The following SORBS2 variants were observed in gnomAD, a reference collection of about 807,000 sequenced individuals.
SORBS2 encodes sorbin and SH3 domain-containing protein 2.
In SORBS2, 46 loss-of-function variants were observed where a neutral mutation model predicts 97.7. The ratio of observed to expected loss-of-function variants is 0.47; its 90% CI spans 0.37 to 0.60. The LOEUF is 0.60. Among genes scored for constraint, SORBS2 ranks in the 20% least tolerant of loss-of-function variants. The pLI, the probability that SORBS2 is intolerant of heterozygous loss-of-function variation, is 0.00. For missense variants in SORBS2, 1,316 were observed against 1,282.3 expected, an observed-to-expected ratio of 1.03 and a Z score of -0.40; for synonymous variants, 476 against 473.4, an observed-to-expected ratio of 1.01 and a Z score of -0.07.
intron 2 of SORBS2, among the ~76,000 whole-genome samples, chr4:185,749,589 G>A (rs1178864508): frequency 6.6e-6 from 1 of 152,120 alleles, no homozygotes; most frequent in African/African-American, 2.4e-5. Context: ...GTTACCTTAG[G>A]GTATATGGAC....
chr4:185,788,995 G>A (rs1312761418), intron 1 of SORBS2, among the ~76,000 whole-genome samples: 1 of 152,112 alleles, frequency 6.6e-6, no homozygotes, highest in Admixed American at 6.5e-5. Context: ...ACTAACAAAC[G>A]CCACGACCTA....
At chr4:185,797,715 T>C (rs2153654555) in intron 1 of SORBS2, among the ~76,000 whole-genome samples, 1 of 152,296 alleles carries the variant, frequency 6.6e-6, no homozygotes, top group African/African-American at 2.4e-5. Context: ...AAGTTAGCAC[T>C]ACAGAGCTGG....
chr4:185,620,129 G>A (rs200276678), exon 8 of SORBS2: 1 of 1,611,060 alleles, frequency 6.2e-7, no homozygotes, highest in East Asian at 2.2e-5. Context: ...AAGTGGATGA[G>A]TAACTTCTAG....
chr4:185,850,871 T>C (rs1173363814), intron 1 of SORBS2, among the ~76,000 whole-genome samples: 1 of 152,158 alleles, frequency 6.6e-6, no homozygotes, highest in Non-Finnish European at 1.5e-5. Context: ...GTGGGCATCA[T>C]CTCATCTGTT....
intron 1 of SORBS2, among the ~76,000 whole-genome samples, chr4:185,887,095 G>A (rs1221985918): frequency 1.3e-5 from 2 of 152,218 alleles, no homozygotes; most frequent in Non-Finnish European, 2.9e-5. Context: ...GCTGTCTGCG[G>A]GGAAGCCGGA....
chr4:185,714,309 C>T (rs1462259798), intron 2 of SORBS2, among the ~76,000 whole-genome samples: 2 of 152,136 alleles, frequency 1.3e-5, no homozygotes, highest in South Asian at 4.1e-4. Context: ...TCACGTCATC[C>T]CATTGCTCCC....
chr4:185,810,488 A>G (rs2099175476), intron 1 of SORBS2, among the ~76,000 whole-genome samples: 1 of 152,230 alleles, frequency 6.6e-6, no homozygotes, highest in South Asian at 2.1e-4. Flanking sequence ...AGTAGATTCC[A>G]TCTTTTGTAG....
chr4:185,796,501 GC>G (rs2099105439), intron 1 of SORBS2, among the ~76,000 whole-genome samples: 1 of 147,166 alleles, frequency 6.8e-6, no homozygotes, highest in Non-Finnish European at 1.5e-5. Flanking sequence ...GGCTGGGCAT[GC>G]CTGGGCGCTG....
In SORBS2 at chr4:185,607,260, C is replaced by T; in HGVS notation, c.2796+4520G>A. The T allele has an allele frequency of 8.1e-7, 1 of 1,241,464 alleles. No homozygotes were observed. The highest frequency in any genetic ancestry group is 1.3e-5 in the South Asian group (1 of 74,570). The allele number at this position is 1,241,464 out of a possible 1,614,324, so 76.9% of individuals were successfully genotyped here. A position where few individuals can be genotyped will look rare whatever the true frequency, so the allele number is the denominator to read the frequency against. ...GTAGACATGAGGCTGTCAGGGACAA[C>T]CAGCCCTGGCCAGTTCCCTGGAGAG... On this transcript the variant is annotated intron_variant, in intron 12 of 14. Transcript: ENST00000418609. This position sits in a 1 kb window ranked among gnomAD's most constrained non-coding sequence, Gnocchi z 5.2.
intron 2 of SORBS2, among the ~76,000 whole-genome samples, chr4:185,683,108 T>C (rs909675334): frequency 6.6e-6 from 1 of 152,080 alleles, no homozygotes; most frequent in Non-Finnish European, 1.5e-5. Flanking sequence ...AACAATTATG[T>C]CCAAAATTCA....
In SORBS2 at chr4:185,623,120, GGCAGCA is replaced by G. The variant is rs766411459; in HGVS notation, c.2003_2008del (p.Leu668_Leu669del). 6.2e-7 allele frequency: 1 copy of G among 1,614,052 alleles called. No individual in the cohort carries two copies. The highest frequency in any genetic ancestry group is 1.3e-5 in the African/African-American group (1 of 74,928). On this transcript the variant is annotated inframe_deletion, in exon 7 of 15. Coordinates refer to ENST00000418609, the Ensembl canonical transcript of SORBS2. This position sits in a 1 kb window ranked among gnomAD's most constrained non-coding sequence, Gnocchi z 6.4. Reference sequence around the variant, plus strand: ...GGATGAGTTCCTCTCGGGAACATCTGGCAGCAGCTCACTGATGAGGCGGTGCAGGAT... The same window carrying G: ...GGATGAGTTCCTCTCGGGAACATCTGGCTCACTGATGAGGCGGTGCAGGAT...
intron 1 of SORBS2, among the ~76,000 whole-genome samples, chr4:185,796,526 C>A (rs1193911114): frequency 2.3e-5 from 3 of 128,608 alleles, no homozygotes; most frequent in African/African-American, 9.0e-5. Flanking sequence ...CCACGCTGTT[C>A]CCTGGTCACG....
chr4:185,839,655 C>T (rs35401039), intron 1 of SORBS2, among the ~76,000 whole-genome samples: 64,700 of 151,994 alleles, frequency 0.43, 14,634 homozygotes, highest in Middle Eastern at 0.68. Context: ...TTCGATGGGA[C>T]TGTCTTCTGA....
chr4:185,875,331 T>C (rs1307238456), intron 1 of SORBS2, among the ~76,000 whole-genome samples: 1 of 152,234 alleles, frequency 6.6e-6, no homozygotes, highest in Non-Finnish European at 1.5e-5. Flanking sequence ...AATGTTTATA[T>C]ATTTCAAAAC....
chr4:185,866,506 G>A lies in SORBS2; in HGVS notation c.-338+89690C>T, dbSNP rs1001690217. ...AGGGACATGAGCCCCATTCAAGAGC[G>A]TCATGTTTCTTCCTCCTGTTTCTTG... On this transcript the variant is annotated intron_variant, in intron 1 of 20. Transcript: ENST00000284776. Among the ~76,000 whole-genome samples the A allele has an allele frequency of 2.0e-5, 3 of 152,202 alleles. 1 individual carries two copies. The highest frequency in any genetic ancestry group is 4.1e-4 in the South Asian group (2 of 4,834).
chr4:185,707,509 CTTTGT>C (rs774768887), intron 2 of SORBS2, among the ~76,000 whole-genome samples: 15 of 88,256 alleles, frequency 1.7e-4, no homozygotes, highest in Non-Finnish European at 2.8e-4. Context: ...TCATAAACAT[CTTTGT>C]TTTTTTTTTT....
At chr4:185,619,412 A>G (rs2096677772) in intron 8 of SORBS2, among the ~76,000 whole-genome samples, 1 of 152,212 alleles carries the variant, frequency 6.6e-6, no homozygotes, top group South Asian at 2.1e-4. Flanking sequence ...GGGATCCCAC[A>G]GGCTCTGGAC....
chr4:185,667,784 C>T (rs140779947), intron 4 of SORBS2, among the ~76,000 whole-genome samples: 1 of 150,068 alleles, frequency 6.7e-6, no homozygotes, highest in Non-Finnish European at 1.5e-5. Flanking sequence ...CTTAGTTACC[C>T]AGAACTTAAA....
chr4:185,863,983 G>A (rs1390974172), intron 1 of SORBS2, among the ~76,000 whole-genome samples: 1 of 152,298 alleles, frequency 6.6e-6, no homozygotes. Context: ...TATTTACAAA[G>A]ATTAACCACA....
Sources: allele counts gnomAD v4.1 joint callset (sites outside exome capture counted in the v4.1 genomes callset), GRCh38; gene constraint gnomAD v4.1.1; non-coding constraint Gnocchi (gnomAD v3.1); transcripts MANE v1.5; gene names NCBI Gene and HGNC (gene_info 2026-07-23, HGNC 2026-07-21).